The following CREG2 variants were observed in gnomAD, a reference collection of about 807,000 sequenced individuals.
The protein encoded by CREG2 is protein CREG2.
A neutral mutation model predicts 26.2 loss-of-function variants in CREG2; 24 were observed. The observed-to-expected ratio is 0.92, with a 90% confidence interval of 0.66 to 1.29. CREG2 has a LOEUF of 1.29. Ranked by LOEUF, CREG2 falls within the 50% of genes most tolerant of loss-of-function variation. The pLI is 0.00. For missense variants in CREG2, 366 were observed against 398.6 expected (o/e 0.92, Z 0.70); for synonymous variants, 174 against 169.2 (o/e 1.03, Z -0.22).
rs897520023 is a variant in CREG2, at chr2:101,346,938, C to G, written c.*3985G>C. ...AAGATACTGAATATGTCCATCACCA[C>G]AAGGATCTCTTGTGCTATCCTTTTA... On this transcript the variant is annotated 3_prime_UTR_variant, in exon 4 of 4. Coordinates refer to ENST00000324768, the MANE Select transcript of CREG2 (RefSeq NM_153836.4). 6.6e-6 allele frequency: 1 copy of G among 152,264 alleles called. No homozygotes were observed. Among genetic ancestry groups the G allele is most frequent in the Non-Finnish European group, 1.5e-5 (1 of 68,054 alleles). The allele number at this position is 152,264 out of a possible 1,614,324, so 9.4% of individuals were successfully genotyped here.
chr2:101,382,699 T>C (rs1184363447), intron 2 of CREG2: 1 of 985,388 alleles, frequency 1.0e-6, no homozygotes, highest in South Asian at 4.7e-5. Context: ...AACTAATACA[T>C]TGTTTGGTTA....
At position 101,350,357 on chromosome 2, in the gene CREG2, C is replaced by CT. The variant is rs1684359832; in HGVS notation, c.*565dup. The CT allele has an allele frequency of 1.3e-5, 2 of 152,560 alleles. No individual in the cohort carries two copies. Among genetic ancestry groups the CT allele is most frequent in the South Asian group, 4.1e-4 (2 of 4,836 alleles). The allele number at this position is 152,560 out of a possible 1,614,324, so 9.5% of individuals were successfully genotyped here. A position where few individuals can be genotyped will look rare whatever the true frequency, so the allele number is the denominator to read the frequency against. Reference sequence around the variant, plus strand: ...TTTTCATGTTATGGTGGGAGAAAAGCTGCATTCTAGCCAGTATGACCTAAT... The same window carrying CT: ...TTTTCATGTTATGGTGGGAGAAAAGCTTGCATTCTAGCCAGTATGACCTAAT... On this transcript the variant is annotated 3_prime_UTR_variant, in exon 4 of 4. Coordinates refer to ENST00000324768, the MANE Select transcript of CREG2 (RefSeq NM_153836.4).
chr2:101,369,188 TC>T (rs1403994542), intron 2 of CREG2, among the ~76,000 whole-genome samples: 1 of 152,190 alleles, frequency 6.6e-6, no homozygotes, highest in Non-Finnish European at 1.5e-5. Context: ...AATGGGTTGA[TC>T]CAGGGAGACC....
rs778612949 is a variant in CREG2, at chr2:101,350,973, A to G, written c.823T>C (p.Ser275Pro). The G allele has an allele frequency of 6.2e-7, 1 of 1,614,170 alleles. No homozygotes were observed. The highest frequency in any genetic ancestry group is 2.2e-5 in the East Asian group (1 of 44,884). The change falls in exon 4 of 4, where the codon TCC (serine) becomes CCC (proline). Residue 275 changes from serine (S) to proline (P), a missense_variant. Physicochemically the swap from Ser to Pro is moderately conservative, Grantham distance 74. Coordinates refer to ENST00000324768, the MANE Select transcript of CREG2 (RefSeq NM_153836.4). ...AAATATTCCTCCCTTGAAATACTGG[A>G]TGCGCCTCCATACCATTTCTGAAGC... ...IWLQKWYGGA[S>P]SISREEYFKA... is the part of the protein sequence containing the mutation.
chr2:101,361,466 C>T (rs1252496974), intron 2 of CREG2, among the ~76,000 whole-genome samples: 5 of 152,192 alleles, frequency 3.3e-5, no homozygotes, highest in Non-Finnish European at 5.9e-5. Flanking sequence ...CTGAGAAAGA[C>T]CTGCCTGGCC....
intron 2 of CREG2, among the ~76,000 whole-genome samples, chr2:101,371,265 C>T (rs996116329): frequency 6.6e-5 from 10 of 152,106 alleles, no homozygotes; most frequent in South Asian, 4.1e-4. Flanking sequence ...TATGGAGTGA[C>T]GCCCTCCCTG....
chr2:101,380,059 A>C (rs978512164), intron 2 of CREG2, among the ~76,000 whole-genome samples: 1 of 144,428 alleles, frequency 6.9e-6, no homozygotes, highest in Non-Finnish European at 1.6e-5. Flanking sequence ...TCATCCATCC[A>C]TCCATCCATC....
At chr2:101,383,002 A>G (rs918523959) in intron 2 of CREG2, 102 of 986,264 alleles carry the variant, frequency 1.0e-4, no homozygotes, top group Non-Finnish European at 1.2e-4. Context: ...TAGTGCTTAA[A>G]TGTCTTTAGA....
chr2:101,351,151 G>A (rs1279801039), intron 3 of CREG2, 81 bp from the exon 4 acceptor site: 44 of 1,403,204 alleles, frequency 3.1e-5, no homozygotes, highest in Non-Finnish European at 4.2e-5. Flanking sequence ...GACCTCCAGA[G>A]TCCAGGCCTC....
Position 101,346,217 on chromosome 2 carries a change from A to G in CREG2, c.*4706T>C, listed in dbSNP as rs1684304768. ...AAGGCATATTGAAATAAGTAACATC[A>G]GAATTATACTCTATGTCAAAATCAT... On this transcript the variant is annotated 3_prime_UTR_variant, in exon 4 of 4. Coordinates refer to ENST00000324768, the MANE Select transcript of CREG2 (RefSeq NM_153836.4). 1 of 152,198 alleles carries G rather than the reference A, an allele frequency of 6.6e-6. No individual in the cohort carries two copies. The highest frequency in any genetic ancestry group is 2.4e-5 in the African/African-American group (1 of 41,436). The allele number at this position is 152,198 out of a possible 1,614,324, so 9.4% of individuals were successfully genotyped here.
Position 101,387,188 on chromosome 2 carries a change from G to C in CREG2, c.270C>G (p.Gly90=). ...CGGGGGGCGGCCTGGCCCGGGCGGC[G>C]CCCGCCCGGGGCCGCAGGTGCGCGT... ...KEDAHLRPRA[G]AARARPPPAP... is the part of the protein sequence containing the mutation. The change falls in exon 1 of 4, where the codon GGC becomes GGG. Residue 90 remains glycine (G), a synonymous_variant. Coordinates refer to ENST00000324768, the MANE Select transcript of CREG2 (RefSeq NM_153836.4). The surrounding 1 kb of genome is among the most constrained non-coding windows in gnomAD (Gnocchi z 4.7). 3.0e-6 allele frequency: 4 copies of C among 1,344,008 alleles called. No homozygotes were observed. The highest frequency in any genetic ancestry group is 1.9e-6 in the Non-Finnish European group (2 of 1,037,200). The allele number at this position is 1,344,008 out of a possible 1,614,324, so 83.3% of individuals were successfully genotyped here. A position where few individuals can be genotyped will look rare whatever the true frequency, so the allele number is the denominator to read the frequency against.
rs934341617 is a variant in CREG2, at chr2:101,346,596, A to G, written c.*4327T>C. The stretch of plus-strand genomic sequence containing the variant: ...TTACACCTCTTCTGCAAATGGATAT[A>G]TTAACGGTTAACAAATGAAATGCTG... On this transcript the variant is annotated 3_prime_UTR_variant, in exon 4 of 4. Coordinates refer to ENST00000324768, the MANE Select transcript of CREG2 (RefSeq NM_153836.4). The G allele has an allele frequency of 3.9e-5, 6 of 152,234 alleles. No homozygotes were observed. The highest frequency in any genetic ancestry group is 7.3e-5 in the Non-Finnish European group (5 of 68,042). 9.4% of individuals were successfully genotyped at this position (152,234 alleles called of 1,614,324 possible).
At position 101,387,138 on chromosome 2, in the gene CREG2, C is replaced by A. The variant is rs1420743598; in HGVS notation, c.320G>T (p.Arg107Leu). 8.0e-6 allele frequency: 10 copies of A among 1,250,418 alleles called. No homozygotes were observed. The highest frequency in any genetic ancestry group is 1.0e-5 in the Non-Finnish European group (10 of 998,042). 77.5% of individuals were successfully genotyped at this position (1,250,418 alleles called of 1,614,324 possible). ...ACTGGCCGTCTGGCCGCCCTCGCGC[C>A]GGTAGGAGAACATCCCGGGTGGCGC... ...PPAPPGMFSY[R>L]REGGQTASAP... Residue 107 changes from arginine to leucine, a missense_variant, in exon 1 of 4, where the codon CGG (arginine) becomes CTG (leucine). Arg to Leu is a moderately radical substitution (Grantham distance 102, BLOSUM62 -2). Transcript: ENST00000324768. This position sits in a 1 kb window ranked among gnomAD's most constrained non-coding sequence, Gnocchi z 4.7.
chr2:101,380,429 A>G (rs114780003), intron 2 of CREG2, among the ~76,000 whole-genome samples: 2,177 of 152,346 alleles, frequency 0.014, 54 homozygotes, highest in African/African-American at 0.049. Flanking sequence ...GATGCCCAGT[A>G]GGCTGTAGGA....
At chr2:101,383,729 C>T in intron 1 of CREG2, 27 bp from the exon 2 acceptor site, 1 of 1,560,180 alleles carries the variant, frequency 6.4e-7, no homozygotes, top group Non-Finnish European at 8.7e-7. Flanking sequence ...AAGGCTTTTT[C>T]AGTGCAGAGC....
intron 1 of CREG2, among the ~76,000 whole-genome samples, chr2:101,384,698 A>C (rs959861281): frequency 2.6e-5 from 4 of 152,098 alleles, no homozygotes; most frequent in East Asian, 3.8e-4. Flanking sequence ...CCCTACAAAA[A>C]GTTTTTTAAA....
intron 3 of CREG2, among the ~76,000 whole-genome samples, chr2:101,354,876 G>A (rs1488263938): frequency 6.6e-6 from 1 of 152,056 alleles, no homozygotes; most frequent in Non-Finnish European, 1.5e-5. Context: ...ATGTAAGAGC[G>A]AGAGCACCAC....
chr2:101,370,412 G>A (rs7574947), intron 2 of CREG2, among the ~76,000 whole-genome samples: 109 of 152,230 alleles, frequency 7.2e-4, no homozygotes, highest in African/African-American at 2.5e-3. Context: ...AAATTGAAAC[G>A]TTTCATCCCC....
At chr2:101,382,701 G>C in intron 2 of CREG2, 1 of 985,352 alleles carries the variant, frequency 1.0e-6, no homozygotes, top group Non-Finnish European at 1.2e-6. Flanking sequence ...CTAATACATT[G>C]TTTGGTTATT....
Sources: gnomAD v4.1 joint callset for allele counts (sites outside exome capture counted in the v4.1 genomes callset) on GRCh38, gnomAD v4.1.1 for gene constraint, Gnocchi (gnomAD v3.1) non-coding constraint, MANE v1.5 for transcripts, NCBI Gene and HGNC (gene_info 2026-07-23, HGNC 2026-07-21) for gene names.